PIK3R3: variants seen among roughly 807,000 people sequenced by gnomAD.
The protein encoded by PIK3R3 is phosphatidylinositol 3-kinase regulatory subunit gamma.
In PIK3R3, 64 loss-of-function variants were observed where a neutral mutation model predicts 62.9. That is an observed-to-expected ratio of 1.02 (90% CI 0.83 to 1.25). The LOEUF (loss-of-function observed/expected upper bound fraction) is 1.25, where lower values mean the gene tolerates loss of function less well. Among genes scored for constraint, PIK3R3 ranks in the 50% most tolerant of loss-of-function variants. PIK3R3 has a pLI of 0.00. For missense variants in PIK3R3, 614 were observed against 561.6 expected (o/e 1.09, Z -0.94); for synonymous variants, 165 against 189.0 (o/e 0.87, Z 1.04).
intron 1 of PIK3R3, among the ~76,000 whole-genome samples, chr1:46,131,061 G>A (rs1365572243): frequency 6.6e-6 from 1 of 151,400 alleles, no homozygotes; most frequent in East Asian, 1.9e-4. Context: ...GAACACATAT[G>A]TATATATCAC....
chr1:46,077,623 A>C lies in PIK3R3; in HGVS notation c.216-10T>G, dbSNP rs540756425. The C allele has an allele frequency of 3.2e-6, 5 of 1,547,306 alleles. No individual in the cohort carries two copies. In the South Asian group the frequency reaches 5.6e-5, roughly 17 times the overall value. On this transcript the variant is annotated splice_polypyrimidine_tract_variant and intron_variant, in intron 2 of 9. Coordinates refer to ENST00000262741, the MANE Select transcript of PIK3R3 (RefSeq NM_003629.4). ...GTCATTTACCTCCTCCCTGAAGAAC[A>C]GAATTATAAGAAAAATGAAAAAATG... is the stretch of plus-strand genomic sequence containing the variant.
intron 3 of PIK3R3, among the ~76,000 whole-genome samples, chr1:46,069,762 A>G (rs1202229165): frequency 6.6e-6 from 1 of 152,188 alleles, no homozygotes; most frequent in East Asian, 1.9e-4. Context: ...GGGGTATGCC[A>G]ATGTTTGGTG....
intron 1 of PIK3R3, among the ~76,000 whole-genome samples, chr1:46,103,677 C>T (rs1484446352): frequency 6.6e-6 from 1 of 152,070 alleles, no homozygotes; most frequent in Non-Finnish European, 1.5e-5. Flanking sequence ...TCACTGCAAC[C>T]TCCACCTCCC....
intron 6 of PIK3R3, among the ~76,000 whole-genome samples, 190 bp downstream of exon 6, chr1:46,061,739 C>T (rs1648504839): frequency 6.6e-6 from 1 of 152,110 alleles, no homozygotes; most frequent in Admixed American, 6.5e-5. Context: ...AGGAGTTTAT[C>T]CGTTTGGGAG....
chr1:46,076,630 G>C (rs911735735), intron 3 of PIK3R3, among the ~76,000 whole-genome samples: 1 of 152,192 alleles, frequency 6.6e-6, no homozygotes, highest in African/African-American at 2.4e-5. Context: ...AGCATAAAAT[G>C]AGGCATTATT....
At chr1:46,166,199 T>C in the PIK3R3 span, among the ~76,000 whole-genome samples, 1 of 151,966 alleles carries the variant, frequency 6.6e-6, no homozygotes, top group Non-Finnish European at 1.5e-5. Flanking sequence ...CCTATGCTTA[T>C]AGGCTTTTTT....
chr1:46,050,121 CA>C lies in PIK3R3; in HGVS notation c.942-3497del, dbSNP rs1265958044. On this transcript the variant is annotated intron_variant, in intron 7 of 9. Coordinates refer to ENST00000262741, the MANE Select transcript of PIK3R3 (RefSeq NM_003629.4). ...GGGCAACAAGAGTGAAACTCTGTCT[CA>C]AAAAAAAAAAAAAAAAAATGAGGAA... 9.9e-3 allele frequency among the ~76,000 whole-genome samples: 778 copies of C among 78,978 alleles called. 2 individuals carry two copies. Among genetic ancestry groups the C allele is most frequent in the African/African-American group, 0.023 (463 of 20,356 alleles). 51.8% of individuals were successfully genotyped at this position (78,978 alleles called of 152,430 possible).
intron 5 of PIK3R3, among the ~76,000 whole-genome samples, chr1:46,064,704 C>A (rs1648835636): frequency 6.6e-6 from 1 of 151,520 alleles, no homozygotes; most frequent in South Asian, 2.1e-4. Context: ...AAGAAGAAAT[C>A]ACAAAAAATA....
intron 6 of PIK3R3, among the ~76,000 whole-genome samples, chr1:46,061,474 C>CA (rs1648475213): frequency 6.6e-6 from 1 of 152,066 alleles, no homozygotes; most frequent in African/African-American, 2.4e-5. Flanking sequence ...ATATTCAATT[C>CA]AAAAAAATAT....
chr1:46,092,695 A>G, intron 1 of PIK3R3, among the ~76,000 whole-genome samples: 1 of 151,836 alleles, frequency 6.6e-6, no homozygotes, highest in Admixed American at 6.6e-5. Context: ...TACTCCAATA[A>G]TCCCAGTTCT....
In PIK3R3 at chr1:46,055,865, T is replaced by C; in HGVS notation, c.871A>G (p.Ile291Val). 6.2e-7 allele frequency: 1 copy of C among 1,611,498 alleles called. No homozygotes were observed. Among genetic ancestry groups the C allele is most frequent in the East Asian group, 2.2e-5 (1 of 44,818 alleles). The change falls in exon 7 of 10, where the codon ATA becomes GTA. Residue 291 changes from isoleucine (I) to valine (V), a missense_variant. Physicochemically the swap from Ile to Val is conservative, Grantham distance 29 (BLOSUM62 3). Coordinates refer to ENST00000262741, the MANE Select transcript of PIK3R3 (RefSeq NM_003629.4). ...TTGATGCTATTCATTTTTTTATCTA[T>C]TTCTCGGTTGTCCAAAGCTTGATTC... is the stretch of plus-strand genomic sequence containing the variant. ...LKNQALDNRE[I>V]DKKMNSIKPD...
the PIK3R3 span, chr1:46,138,768 G>C: frequency 1.1e-4 from 16 of 152,358 alleles, no homozygotes; most frequent in East Asian, 3.1e-3. Context: ...GGGTAAGAAA[G>C]TATAAGCATG....
chr1:46,093,430 T>G (rs1651822465), intron 1 of PIK3R3, among the ~76,000 whole-genome samples: 1 of 152,144 alleles, frequency 6.6e-6, no homozygotes, highest in South Asian at 2.1e-4. Context: ...CTTCTCACAT[T>G]TGCTTTCTAA....
intron 1 of PIK3R3, among the ~76,000 whole-genome samples, chr1:46,093,925 C>T (rs763236376): frequency 5.3e-5 from 8 of 150,840 alleles, no homozygotes; most frequent in South Asian, 2.1e-4. Context: ...AGCAATCAGC[C>T]GGGTATGGTG....
chr1:46,095,126 C>T (rs1019270151), intron 1 of PIK3R3, among the ~76,000 whole-genome samples: 7 of 152,168 alleles, frequency 4.6e-5, no homozygotes, highest in African/African-American at 1.7e-4. Flanking sequence ...AATCTCACTA[C>T]TGGGTATATA....
At chr1:46,086,655 G>A (rs542931365) in intron 1 of PIK3R3, among the ~76,000 whole-genome samples, 3 of 152,230 alleles carry the variant, frequency 2.0e-5, no homozygotes, top group East Asian at 1.9e-4. Flanking sequence ...AGCCGAGATC[G>A]TGCCATTGCA....
intron 3 of PIK3R3, among the ~76,000 whole-genome samples, chr1:46,068,123 T>C (rs1649172876): frequency 1.3e-5 from 2 of 152,212 alleles, no homozygotes; most frequent in African/African-American, 2.4e-5. Context: ...ATTGACCCTA[T>C]AAGCTGATTT....
the PIK3R3 span, among the ~76,000 whole-genome samples, chr1:46,168,951 C>G: frequency 2.4e-3 from 373 of 152,306 alleles, 1 homozygote; most frequent in African/African-American, 8.5e-3. Context: ...TCCTCACCCC[C>G]AGTTCAGCCC....
At chr1:46,103,009 T>C (rs1652851285) in intron 1 of PIK3R3, among the ~76,000 whole-genome samples, 1 of 152,134 alleles carries the variant, frequency 6.6e-6, no homozygotes, top group Non-Finnish European at 1.5e-5. Flanking sequence ...AGAAAATCCT[T>C]TCATATGCTA....
Sources: gnomAD v4.1 joint callset for allele counts (sites outside exome capture counted in the v4.1 genomes callset) on GRCh38, gnomAD v4.1.1 for gene constraint, MANE v1.5 for transcripts, NCBI Gene and HGNC (gene_info 2026-07-23, HGNC 2026-07-21) for gene names.